Variants in RBFOX1 observed in about 807,000 individuals in gnomAD.
RBFOX1 encodes RNA binding protein fox-1 homolog 1.
RBFOX1 carries 8 observed loss-of-function variants against 57.7 expected under a neutral mutation model. The ratio of observed to expected loss-of-function variants is 0.14; its 90% CI spans 0.08 to 0.25. The LOEUF is 0.25. Among genes scored for constraint, RBFOX1 ranks in the 10% least tolerant of loss-of-function variants. The pLI is 1.00. For synonymous variants in RBFOX1, 326 were observed against 222.4 expected (o/e 1.47, Z -4.15); for missense variants, 611 against 548.5 (o/e 1.11, Z -1.14).
At chr16:6,951,726 TTCTCTCTTTTTTCTC>T (rs2080802072) in intron 3 of RBFOX1, among the ~76,000 whole-genome samples, 1 of 152,100 alleles carries the variant, frequency 6.6e-6, no homozygotes, top group African/African-American at 2.4e-5. Flanking sequence ...GACTCCACAC[TTCTCTCTTTTTTCTC>T]TCTCTCTTTT....
At chr16:6,211,300 C>T (rs896906798) in intron 1 of RBFOX1, among the ~76,000 whole-genome samples, 1 of 146,804 alleles carries the variant, frequency 6.8e-6, no homozygotes, top group Non-Finnish European at 1.5e-5. Context: ...ACGATCTCCG[C>T]TCACTGCAAG....
rs559603528 is a variant in RBFOX1 at position 5,471,844 on chromosome 16, C to G, written c.258+4590C>G. Among the ~76,000 whole-genome samples, 7 of 152,218 alleles carry G rather than the reference C, an allele frequency of 4.6e-5. No homozygotes were observed. The South Asian group carries it at 1.5e-3, about 32-fold the overall frequency. On this transcript the variant is annotated intron_variant, in intron 2 of 2. Coordinates refer to the RBFOX1 transcript ENST00000585867. The stretch of plus-strand genomic sequence containing the variant: ...AGGTCCTGGCGAGATGTGGCTAGAC[C>G]AAGGAGAAGATTTATTATCCTTGAA...
At chr16:6,693,686 C>A (rs2060590874) in intron 3 of RBFOX1, among the ~76,000 whole-genome samples, 2 of 151,752 alleles carry the variant, frequency 1.3e-5, no homozygotes, top group Non-Finnish European at 2.9e-5. Flanking sequence ...CCATCACCAC[C>A]ATCATCATCA....
intron 1 of RBFOX1, among the ~76,000 whole-genome samples, chr16:5,462,927 AG>A: frequency 6.6e-6 from 1 of 152,220 alleles, no homozygotes; most frequent in East Asian, 1.9e-4. Flanking sequence ...GCTGAAGTTA[AG>A]AAACCCAGTT....
chr16:6,773,038 G>A (rs1317778493), intron 3 of RBFOX1, among the ~76,000 whole-genome samples: 2 of 115,262 alleles, frequency 1.7e-5, no homozygotes, highest in Non-Finnish European at 3.6e-5. Flanking sequence ...GTGGGCATGG[G>A]GTGCATTTGT....
intron 2 of RBFOX1, among the ~76,000 whole-genome samples, chr16:6,468,527 T>C (rs188583500): frequency 5.2e-4 from 79 of 152,290 alleles, no homozygotes; most frequent in Admixed American, 2.1e-3. Context: ...AAACTGAAAT[T>C]GGTATAGCAC....
chr16:5,687,266 CTG>C (rs1268578616), intron 3 of RBFOX1, among the ~76,000 whole-genome samples: 2 of 152,140 alleles, frequency 1.3e-5, no homozygotes, highest in Non-Finnish European at 2.9e-5. Flanking sequence ...AGACTAGAAA[CTG>C]TGGTGCCTTC....
chr16:5,849,727 C>T (rs980528502), intron 3 of RBFOX1, among the ~76,000 whole-genome samples: 3 of 152,146 alleles, frequency 2.0e-5, no homozygotes, highest in African/African-American at 4.8e-5. Context: ...ATTAGCATCT[C>T]GCCGATGCAC....
intron 2 of RBFOX1, among the ~76,000 whole-genome samples, chr16:5,587,691 C>T (rs1053287444): frequency 2.8e-4 from 42 of 152,074 alleles, no homozygotes; most frequent in African/African-American, 9.9e-4. Context: ...CCAGCCTGGG[C>T]GACAGAGCGA....
chr16:5,664,496 G>A (rs747703570), intron 3 of RBFOX1, among the ~76,000 whole-genome samples: 2 of 151,920 alleles, frequency 1.3e-5, no homozygotes, highest in Non-Finnish European at 2.9e-5. Flanking sequence ...GCAATGAACC[G>A]AGATTGCATC....
At chr16:6,585,264 G>T (rs536618400) in intron 2 of RBFOX1, among the ~76,000 whole-genome samples, 1 of 152,182 alleles carries the variant, frequency 6.6e-6, no homozygotes, top group East Asian at 1.9e-4. Context: ...AACCTTTATC[G>T]TCATGTAGGT....
intron 2 of RBFOX1, among the ~76,000 whole-genome samples, chr16:6,396,902 T>C (rs997901850): frequency 6.6e-6 from 1 of 152,126 alleles, no homozygotes; most frequent in Non-Finnish European, 1.5e-5. Flanking sequence ...ATTTTAGAAT[T>C]ACAAATAAAA....
rs114342463 is a variant in RBFOX1 at position 6,899,655 on chromosome 16, C to T, written c.-15-152402C>T. ...GAAATGGGAAGAATAAACGTCCATA[C>T]CTCCTCAAGCAAGTGTCAATTGGAA... On this transcript the variant is annotated intron_variant, in intron 3 of 15. Coordinates refer to ENST00000550418, the MANE Select transcript of RBFOX1 (RefSeq NM_018723.4). Among the ~76,000 whole-genome samples the T allele has an allele frequency of 5.5e-3, 832 of 152,336 alleles. 6 individuals are homozygous for T. Among genetic ancestry groups the T allele is most frequent in the African/African-American group, 0.018 (753 of 41,574 alleles).
intron 2 of RBFOX1, among the ~76,000 whole-genome samples, chr16:6,421,523 C>T (rs182262178): frequency 1.1e-4 from 17 of 152,174 alleles, no homozygotes; most frequent in African/African-American, 3.6e-4. Flanking sequence ...ACAAGATTTT[C>T]AGCAAACGTT....
At chr16:5,441,648 AGCCACT>A (rs1438872922) in intron 1 of RBFOX1, among the ~76,000 whole-genome samples, 3 of 152,160 alleles carry the variant, frequency 2.0e-5, no homozygotes, top group African/African-American at 7.2e-5. Context: ...TATGGGTGTG[AGCCACT>A]GTTCCTGGCA....
chr16:7,599,456 G>GT (rs1284065390), intron 9 of RBFOX1, among the ~76,000 whole-genome samples: 1 of 99,042 alleles, frequency 1.0e-5, no homozygotes, highest in Non-Finnish European at 2.9e-5. Context: ...AGACCTGTAG[G>GT]ATTTTTTAAC....
intron 3 of RBFOX1, among the ~76,000 whole-genome samples, chr16:5,811,660 T>C (rs1271881180): frequency 6.6e-6 from 1 of 151,738 alleles, no homozygotes; most frequent in African/African-American, 2.4e-5. Context: ...GATGTTGGCC[T>C]GGGTGGTGTC....
At chr16:6,141,811 C>T (rs954384330) in intron 1 of RBFOX1, among the ~76,000 whole-genome samples, 13 of 152,146 alleles carry the variant, frequency 8.5e-5, no homozygotes, top group Middle Eastern at 3.4e-3. Flanking sequence ...AATCTCAGCA[C>T]ACTTTGGGAG....
At chr16:6,532,722 A>G (rs1372539146) in intron 2 of RBFOX1, among the ~76,000 whole-genome samples, 1 of 152,104 alleles carries the variant, frequency 6.6e-6, no homozygotes, top group Non-Finnish European at 1.5e-5. Context: ...ACTGGACTCC[A>G]TTCCCATTTG....
Sources: allele counts gnomAD v4.1 joint callset (sites outside exome capture counted in the v4.1 genomes callset), GRCh38; gene constraint gnomAD v4.1.1; transcripts MANE v1.5; gene names NCBI Gene and HGNC (gene_info 2026-07-23, HGNC 2026-07-21).